The following MUC6 variants were observed in gnomAD, a reference collection of about 807,000 sequenced individuals.
The protein encoded by MUC6 is mucin 6, oligomeric mucus/gel-forming (gene/pseudogene), also known as mucin-6.
MUC6 carries 188 observed loss-of-function variants against 201.5 expected under a neutral mutation model. That is an observed-to-expected ratio of 0.93 (90% CI 0.83 to 1.05). The LOEUF is 1.05. Among genes scored for constraint, MUC6 ranks in the 50% least tolerant of loss-of-function variants. The pLI, the probability that MUC6 is intolerant of heterozygous loss-of-function variation, is 0.00. For synonymous variants in MUC6, 1,228 were observed against 1,389.4 expected (o/e 0.88, Z 2.58); for missense variants, 2,706 against 3,256.9 (o/e 0.83, Z 4.12).
At chr11:1,032,580 G>C (rs1185142782) in intron 2 of MUC6, among the ~76,000 whole-genome samples, 1 of 145,624 alleles carries the variant, frequency 6.9e-6, no homozygotes, top group Non-Finnish European at 1.5e-5. Context: ...TGTGTAGGGT[G>C]TGTGTGTGTT....
rs1856618917 is a variant in MUC6, at chr11:1,016,533, A to G, written c.6268T>C (p.Ser2090Pro). 3.5e-6 allele frequency: 5 copies of G among 1,414,524 alleles called. No individual in the cohort carries two copies. The East Asian group carries it at 1.2e-4, about 33-fold the overall frequency. The allele number at this position is 1,414,524 out of a possible 1,614,324, so 87.6% of individuals were successfully genotyped here. Residue 2090 changes from serine (S) to proline (P), a missense_variant, in exon 31 of 33, where the codon TCC becomes CCC. Ser to Pro is a moderately conservative substitution (Grantham distance 74, BLOSUM62 -1). Transcript: ENST00000421673. ...TATASSSFIS[S>P]SSWLPQNSSS... ...GAGTTCTGAGGCAGCCAAGACGAGG[A>G]GGATATGAAGGAAGAAGAGGCTGTA...
At position 1,027,914 on chromosome 11, in the gene MUC6, A is replaced by T. The variant is rs1478998287; in HGVS notation, c.1848+51T>A. Reference sequence around the variant, plus strand: ...GCCCTTGGGTGCCTGAGACCTTGTCAGCCACCACAGCCTCCCCTGCAGCCC... The same window carrying T: ...GCCCTTGGGTGCCTGAGACCTTGTCTGCCACCACAGCCTCCCCTGCAGCCC... On this transcript the variant is annotated intron_variant, in intron 15 of 32. Transcript: ENST00000421673. 1.9e-6 allele frequency: 3 copies of T among 1,560,694 alleles called. No homozygotes were observed. The East Asian group carries it at 7.1e-5, about 37-fold the overall frequency.
At chr11:1,026,258 C>A in intron 20 of MUC6, 69 bp downstream of exon 20, 1 of 1,544,780 alleles carries the variant, frequency 6.5e-7, no homozygotes, top group Non-Finnish European at 8.7e-7. Flanking sequence ...CAGCCCCACC[C>A]CGGGCAGCCT....
Position 1,033,145 on chromosome 11 carries a change from T to C in MUC6, c.53-70A>G, listed in dbSNP as rs1857149126. The C allele has an allele frequency of 6.9e-7, 1 of 1,457,108 alleles. No homozygotes were observed. Among genetic ancestry groups the C allele is most frequent in the Non-Finnish European group, 9.6e-7 (1 of 1,039,226 alleles). 90.3% of individuals were successfully genotyped at this position (1,457,108 alleles called of 1,614,324 possible). Reference sequence around the variant, plus strand: ...CCCTGAGGGCGCCGCTCACCTCTGCTCAGGGCTGCTCCGCCCGTTTCCCTG... The same window carrying C: ...CCCTGAGGGCGCCGCTCACCTCTGCCCAGGGCTGCTCCGCCCGTTTCCCTG... On this transcript the variant is annotated intron_variant, in intron 1 of 32. Transcript: ENST00000421673. This position sits in a 1 kb window ranked among gnomAD's most constrained non-coding sequence, Gnocchi z 5.6.
At position 1,016,286 on chromosome 11, in the gene MUC6, G is replaced by A; in HGVS notation, c.6515C>T (p.Ser2172Phe). The change falls in exon 31 of 33, where the codon TCC becomes TTC. Residue 2172 changes from serine (S) to phenylalanine (F), a missense_variant. Physicochemically the swap from Ser to Phe is radical, Grantham distance 155. Around this residue, in one of 10 missense-constraint regions of MUC6, gnomAD observed 586 missense variants for 488.0 expected, o/e 1.20. Transcript: ENST00000421673. ...SSSFVSAPVH[S>F]TTLSSGSHSS... The stretch of plus-strand genomic sequence containing the variant: ...GTGTGACCCCGAGCTCAGGGTTGTG[G>A]AGTGCACGGGGGCGGACACGAAAGA... 6.2e-7 allele frequency: 1 copy of A among 1,612,682 alleles called. No individual in the cohort carries two copies.
Position 1,029,209 on chromosome 11 carries a change from G to A in MUC6, c.1275+19C>T. The stretch of plus-strand genomic sequence containing the variant: ...TCACCGGGAGCGCCCCTCCCCACGG[G>A]CCACAGGGCTCGTCCTACCTGGAGG... On this transcript the variant is annotated intron_variant, in intron 10 of 32. Transcript: ENST00000421673. The A allele has an allele frequency of 6.2e-7, 1 of 1,606,252 alleles. No individual in the cohort carries two copies. Among genetic ancestry groups the A allele is most frequent in the Non-Finnish European group, 8.5e-7 (1 of 1,177,078 alleles).
rs1459828071 is a variant in MUC6, at chr11:1,028,629, G to A, written c.1591+17C>T. ...AGGGATGAGGCAACAGGGCCACCTG[G>A]AGAGGCAGGGACTCACCTCTGGTCT... On this transcript the variant is annotated intron_variant, in intron 13 of 32. Transcript: ENST00000421673. 6.2e-7 allele frequency: 1 copy of A among 1,604,026 alleles called. No homozygotes were observed. Among genetic ancestry groups the A allele is most frequent in the East Asian group, 2.2e-5 (1 of 44,526 alleles).
chr11:1,026,813 C>T, intron 19 of MUC6, 128 bp downstream of exon 19: 1 of 1,043,424 alleles, frequency 9.6e-7, no homozygotes, highest in Non-Finnish European at 1.4e-6. Flanking sequence ...GCCGCTTCCA[C>T]CTCGTGGCCA....
At chr11:1,023,427 A>G in intron 26 of MUC6, 82 bp downstream of exon 26, 2 of 1,459,604 alleles carry the variant, frequency 1.4e-6, no homozygotes. Context: ...TGAATGAATG[A>G]ATGCGTGTGA....
chr11:1,020,834 G>A (rs1342561072), intron 27 of MUC6, 100 bp from the exon 28 acceptor site: 10 of 1,443,180 alleles, frequency 6.9e-6, no homozygotes, highest in Non-Finnish European at 7.6e-6. Flanking sequence ...TGCTCACCAA[G>A]GCTGTGGTGG....
At chr11:1,024,126 GTGTC>G in intron 24 of MUC6, 23 bp from the exon 25 acceptor site, 3 of 1,602,532 alleles carry the variant, frequency 1.9e-6, no homozygotes, top group Middle Eastern at 1.7e-4. Flanking sequence ...GTGCCAGTCA[GTGTC>G]TGGCTGCCGG....
intron 13 of MUC6, 123 bp downstream of exon 13, chr11:1,028,523 C>T (rs1195823224): frequency 6.5e-6 from 10 of 1,534,894 alleles, no homozygotes; most frequent in Non-Finnish European, 8.8e-6. Flanking sequence ...TGCCTGTTAC[C>T]CCTGGGGGCT....
rs375258667 is a variant in MUC6, at chr11:1,027,667, G to C, written c.1981+18C>G. ...CCCAGCCTGCCGTGACCCCGCTTAA[G>C]CCCCGTCGGGCACTCACTGCAGTTG... On this transcript the variant is annotated intron_variant, in intron 16 of 32. Coordinates refer to ENST00000421673, the MANE Select transcript of MUC6 (RefSeq NM_005961.3). 1 of 1,588,398 alleles carries C rather than the reference G, an allele frequency of 6.3e-7. No individual in the cohort carries two copies. Among genetic ancestry groups the C allele is most frequent in the South Asian group, 1.1e-5 (1 of 87,966 alleles).
rs754747307 is a variant in MUC6 at position 1,013,449 on chromosome 11, G to A, written c.*7C>T. ...CTTCAGCCCCAGGAGAGCAGGCAGC[G>A]ACCCTGCTAGTCTCCACAGGCCACA... On this transcript the variant is annotated 3_prime_UTR_variant, in exon 33 of 33. Coordinates refer to ENST00000421673, the MANE Select transcript of MUC6 (RefSeq NM_005961.3). 3.4e-5 allele frequency: 53 copies of A among 1,569,276 alleles called. No homozygotes were observed. The highest frequency in any genetic ancestry group is 1.3e-4 in the Admixed American group (7 of 54,126).
At chr11:1,028,991 C>T (rs370872320) in intron 11 of MUC6, 30 bp from the exon 12 acceptor site, 11 of 1,612,862 alleles carry the variant, frequency 6.8e-6, no homozygotes, top group Non-Finnish European at 9.3e-6. Flanking sequence ...AGTCAGGGTG[C>T]AGGCACCAGG....
chr11:1,030,366 T>TCCCCCCCCCCCCCCCCCCCCCCCG, intron 7 of MUC6, 31 bp from the exon 8 acceptor site: 1 of 1,489,596 alleles, frequency 6.7e-7, no homozygotes, highest in Non-Finnish European at 9.1e-7. Context: ...GGTGAGAGGG[T>TCCCCCCCCCCCCCCCCCCCCCCCG]CCCACCCCCC....
At chr11:1,031,321 G>T in intron 4 of MUC6, 62 bp from the exon 5 acceptor site, 2 of 1,456,794 alleles carry the variant, frequency 1.4e-6, no homozygotes, top group Non-Finnish European at 9.3e-7. Flanking sequence ...GCTGTGGAGG[G>T]CTCTCAGTTC....
intron 9 of MUC6, 47 bp from the exon 10 acceptor site, chr11:1,029,413 AGCC>A: frequency 6.3e-7 from 1 of 1,595,452 alleles, no homozygotes; most frequent in Non-Finnish European, 8.5e-7. Flanking sequence ...GGGCCGCTGG[AGCC>A]AGACAGCACA....
intron 31 of MUC6, 60 bp downstream of exon 31, chr11:1,015,702 G>C: frequency 4.7e-6 from 7 of 1,501,908 alleles, no homozygotes; most frequent in Non-Finnish European, 6.2e-6. Context: ...GGCAGGGGCT[G>C]CCTGGGAGTC....
Sources: allele counts gnomAD v4.1 joint callset (sites outside exome capture counted in the v4.1 genomes callset), GRCh38; gene constraint gnomAD v4.1.1; regional missense constraint gnomAD v4.1.1; non-coding constraint Gnocchi (gnomAD v3.1); transcripts MANE v1.5; gene names NCBI Gene and HGNC (gene_info 2026-07-23, HGNC 2026-07-21).